The following CTIF variants were observed in gnomAD, a reference collection of about 807,000 sequenced individuals.
CTIF encodes cap binding complex dependent translation initiation factor.
Under a neutral mutation model 66.0 loss-of-function variants are expected in CTIF, and 21 were observed. The observed-to-expected ratio is 0.32, with a 90% CI of 0.23 to 0.46. CTIF has a LOEUF of 0.46. Ranked by LOEUF, CTIF falls within the 20% of genes least tolerant of loss-of-function variation. The probability of loss-of-function intolerance (pLI) is 1.00; values close to 1 mark genes in which losing one functional copy is unlikely to be tolerated. For synonymous variants in CTIF, 345 were observed against 326.4 expected (o/e 1.06, Z -0.62); for missense variants, 739 against 812.7 (o/e 0.91, Z 1.10).
At chr18:48,795,426 G>A (rs1326511697) in intron 9 of CTIF, among the ~76,000 whole-genome samples, 1 of 152,212 alleles carries the variant, frequency 6.6e-6, no homozygotes, top group Non-Finnish European at 1.5e-5. Flanking sequence ...ATGCAAGCCT[G>A]TACTTCACCT....
At chr18:48,665,396 C>T (rs373106659) in intron 5 of CTIF, among the ~76,000 whole-genome samples, 10 of 152,166 alleles carry the variant, frequency 6.6e-5, no homozygotes, top group Admixed American at 1.3e-4. Context: ...GACCTCAGGA[C>T]GGGAATGTGA....
rs188610532 is a variant in CTIF at position 48,816,550 on chromosome 18, T to A, written c.1372-671T>A. ...GACCATCCCATGGAACCCAGCTCCTTGGTTTTTTATACTTTCTTCTCTTGT... is the reference window on the plus strand; with the variant it reads ...GACCATCCCATGGAACCCAGCTCCTAGGTTTTTTATACTTTCTTCTCTTGT... On this transcript the variant is annotated intron_variant, in intron 9 of 11. Coordinates refer to ENST00000256413, the MANE Select transcript of CTIF (RefSeq NM_014772.3). 2.0e-5 allele frequency among the ~76,000 whole-genome samples: 3 copies of A among 152,308 alleles called. No individual in the cohort carries two copies. The East Asian group carries it at 5.8e-4, about 29-fold the overall frequency.
At chr18:48,832,169 CCTT>C (rs1429151952) in intron 10 of CTIF, among the ~76,000 whole-genome samples, 3 of 99,960 alleles carry the variant, frequency 3.0e-5, no homozygotes, top group African/African-American at 1.0e-4. Context: ...AAAACGTGGT[CCTT>C]CTTTTTTTTT....
Position 48,701,398 on chromosome 18 carries a change from G to A in CTIF, c.508-10221G>A, listed in dbSNP as rs1438405110. ...TGTGCGTGTCCCGTGTCAATGAGCA[G>A]CATGAACACCATGAGCCTAAGTGGC... is the stretch of plus-strand genomic sequence containing the variant. On this transcript the variant is annotated intron_variant, in intron 6 of 11. Transcript: ENST00000256413. Among the ~76,000 whole-genome samples the A allele has an allele frequency of 3.3e-5, 5 of 152,196 alleles. 1 individual carries two copies. Among genetic ancestry groups the A allele is most frequent in the African/African-American group, 9.7e-5 (4 of 41,442 alleles).
chr18:48,564,137 C>T (rs1169778505), intron 1 of CTIF, among the ~76,000 whole-genome samples: 1 of 152,196 alleles, frequency 6.6e-6, no homozygotes, highest in Non-Finnish European at 1.5e-5. Flanking sequence ...TTCCTGGCAG[C>T]TGCATTCCCC....
chr18:48,771,091 GT>G (rs1225539049), intron 9 of CTIF, among the ~76,000 whole-genome samples: 1 of 152,154 alleles, frequency 6.6e-6, no homozygotes, highest in Admixed American at 6.5e-5. Flanking sequence ...GGATTGACAG[GT>G]GTACTCTTCC....
intron 1 of CTIF, among the ~76,000 whole-genome samples, chr18:48,603,849 A>ATTTT (rs34207687): frequency 1.4e-5 from 2 of 138,124 alleles, no homozygotes; most frequent in African/African-American, 2.7e-5. Flanking sequence ...ACTCAGTGAA[A>ATTTT]TTTTTTTTTT....
chr18:48,837,310 G>A (rs1181331766), intron 10 of CTIF, among the ~76,000 whole-genome samples: 2 of 152,158 alleles, frequency 1.3e-5, no homozygotes, highest in African/African-American at 4.8e-5. Flanking sequence ...GAAGGGGGCT[G>A]TCTAAGGCCC....
chr18:48,707,524 T>C (rs377765733), intron 6 of CTIF, among the ~76,000 whole-genome samples: 15 of 152,034 alleles, frequency 9.9e-5, no homozygotes, highest in African/African-American at 3.6e-4. Context: ...TCTCTTCTTC[T>C]CCTCCTCCTT....
intron 1 of CTIF, among the ~76,000 whole-genome samples, chr18:48,601,195 C>A (rs2090083850): frequency 6.6e-6 from 1 of 152,138 alleles, no homozygotes; most frequent in Non-Finnish European, 1.5e-5. Flanking sequence ...GCAAAGAGGA[C>A]CTGATCGTGT....
At chr18:48,807,063 C>T (rs1438712047) in intron 9 of CTIF, among the ~76,000 whole-genome samples, 1 of 152,120 alleles carries the variant, frequency 6.6e-6, no homozygotes, top group African/African-American at 2.4e-5. Context: ...AGGGGCAGAG[C>T]TAGAGGAATG....
chr18:48,671,198 C>T (rs1038847303), intron 6 of CTIF, among the ~76,000 whole-genome samples: 3 of 151,980 alleles, frequency 2.0e-5, no homozygotes, highest in African/African-American at 7.3e-5. Context: ...TATGCTTGCT[C>T]TTTTTTTTAT....
intron 7 of CTIF, among the ~76,000 whole-genome samples, chr18:48,722,741 C>T (rs755378499): frequency 2.0e-5 from 3 of 151,714 alleles, no homozygotes; most frequent in Admixed American, 6.6e-5. Flanking sequence ...TACCCATCAG[C>T]GCTCACAGGT....
chr18:48,737,222 C>T (rs1281086062), intron 7 of CTIF, among the ~76,000 whole-genome samples: 1 of 152,202 alleles, frequency 6.6e-6, no homozygotes, highest in Non-Finnish European at 1.5e-5. Context: ...TGGTCAACAT[C>T]TTGTCCAAGG....
At chr18:48,580,234 T>G (rs1031451882) in intron 1 of CTIF, among the ~76,000 whole-genome samples, 4 of 152,062 alleles carry the variant, frequency 2.6e-5, no homozygotes, top group African/African-American at 9.7e-5. Context: ...ACGGGTAGAG[T>G]GCTTGGTGCG....
chr18:48,845,908 C>G (rs1164960499), intron 10 of CTIF, among the ~76,000 whole-genome samples: 1 of 152,212 alleles, frequency 6.6e-6, no homozygotes, highest in East Asian at 1.9e-4. Context: ...CTCCTCCCTT[C>G]CTGCCAGCCT....
At chr18:48,850,477 A>G (rs1312327817) in intron 10 of CTIF, among the ~76,000 whole-genome samples, 1 of 152,260 alleles carries the variant, frequency 6.6e-6, no homozygotes, top group Admixed American at 6.5e-5. Context: ...TTTATCCCCA[A>G]AATGAGCTGT....
At chr18:48,798,574 G>A (rs1018039049) in intron 9 of CTIF, among the ~76,000 whole-genome samples, 7 of 152,200 alleles carry the variant, frequency 4.6e-5, no homozygotes, top group African/African-American at 1.4e-4. Flanking sequence ...GTGGCATACC[G>A]GTGTGTGTCC....
chr18:48,838,117 A>G (rs1434690178), intron 10 of CTIF, among the ~76,000 whole-genome samples: 1 of 152,082 alleles, frequency 6.6e-6, no homozygotes, highest in Non-Finnish European at 1.5e-5. Flanking sequence ...CAGTGTCCCT[A>G]AAGTAGGAAG....
Sources: gnomAD v4.1 joint callset for allele counts (sites outside exome capture counted in the v4.1 genomes callset) on GRCh38, gnomAD v4.1.1 for gene constraint, MANE v1.5 for transcripts, NCBI Gene and HGNC (gene_info 2026-07-23, HGNC 2026-07-21) for gene names.